TRIM24: variants seen among roughly 807,000 people sequenced by gnomAD.
TRIM24 encodes transcription intermediary factor 1-alpha.
In TRIM24, 29 loss-of-function variants were observed where a neutral mutation model predicts 123.9. The observed-to-expected ratio is 0.23, with a 90% CI of 0.17 to 0.32. The LOEUF is 0.32. TRIM24 is among the 10% of genes least tolerant of loss of function. The pLI is 1.00. For synonymous variants in TRIM24, 456 were observed against 461.1 expected, an observed-to-expected ratio of 0.99 and a Z score of 0.14; for missense variants, 932 against 1,295.3, an observed-to-expected ratio of 0.72 and a Z score of 4.31.
intron 7 of TRIM24, among the ~76,000 whole-genome samples, chr7:138,543,125 T>C (rs368761254): frequency 2.0e-4 from 30 of 152,332 alleles, no homozygotes; most frequent in African/African-American, 6.7e-4. Context: ...AAATGTGTTT[T>C]TCATTGTGTT....
Position 138,576,385 on chromosome 7 carries a change from T to C in TRIM24, c.2027T>C (p.Met676Thr). The change falls in exon 13 of 19, where the codon ATG (methionine) becomes ACG (threonine). Residue 676 changes from methionine to threonine, a missense_variant. Physicochemically the swap from Met to Thr is moderately conservative, Grantham distance 81. Around this residue, in one of 7 missense-constraint regions of TRIM24, gnomAD observed 527 missense variants for 691.3 expected, o/e 0.76. Transcript: ENST00000343526. Reference sequence around the variant, plus strand: ...TCCCCCTCCTCAGGACCTGTTACTATGACTAGTGTACACCCCCCAATACGT... The same window carrying C: ...TCCCCCTCCTCAGGACCTGTTACTACGACTAGTGTACACCCCCCAATACGT... Reference protein sequence around the residue: ...PSPGLAGPVTMTSVHPPIRSP... With the variant: ...PSPGLAGPVTTTSVHPPIRSP... 6.2e-7 allele frequency: 1 copy of C among 1,613,606 alleles called. No individual in the cohort carries two copies. Among genetic ancestry groups the C allele is most frequent in the East Asian group, 2.2e-5 (1 of 44,874 alleles).
intron 1 of TRIM24, among the ~76,000 whole-genome samples, chr7:138,501,037 A>G (rs10242105): frequency 0.021 from 3,229 of 152,184 alleles, 92 homozygotes; most frequent in African/African-American, 0.071. Context: ...ATTTGCTCTG[A>G]ATGAGTCAGG....
chr7:138,498,683 G>A (rs756352175), intron 1 of TRIM24, among the ~76,000 whole-genome samples: 1 of 151,492 alleles, frequency 6.6e-6, no homozygotes, highest in African/African-American at 2.4e-5. Flanking sequence ...TTTTGCCCAG[G>A]CTGGAGTGCA....
At chr7:138,569,764 G>A (rs1797615118) in intron 10 of TRIM24, among the ~76,000 whole-genome samples, 1 of 152,128 alleles carries the variant, frequency 6.6e-6, no homozygotes, top group Non-Finnish European at 1.5e-5. Context: ...ATATAGTGCT[G>A]TTCATTTGTG....
At chr7:138,488,968 A>T (rs1051068312) in intron 1 of TRIM24, among the ~76,000 whole-genome samples, 2 of 152,086 alleles carry the variant, frequency 1.3e-5, no homozygotes, top group African/African-American at 4.8e-5. Flanking sequence ...TCCCATTATT[A>T]TTGTGTGGGA....
Position 138,584,761 on chromosome 7 carries a change from A to G in TRIM24, c.2963A>G (p.Asn988Ser), listed in dbSNP as rs777503440. 1.9e-6 allele frequency: 3 copies of G among 1,610,632 alleles called. No individual in the cohort carries two copies. Among genetic ancestry groups the G allele is most frequent in the African/African-American group, 1.3e-5 (1 of 74,616 alleles). Residue 988 changes from asparagine to serine, a missense_variant, in exon 19 of 19, where the codon AAT becomes AGT. By Grantham distance (46) the Asn-to-Ser change is conservative (BLOSUM62 1). Around this residue, in one of 7 missense-constraint regions of TRIM24, gnomAD observed 104 missense variants for 121.5 expected, o/e 0.86. Coordinates refer to ENST00000343526, the MANE Select transcript of TRIM24 (RefSeq NM_015905.3). The part of the protein sequence containing the change: ...EFNEPDSEVA[N>S]AGIKLENYFE... ...CCACAGCCTGATTCAGAAGTAGCCA[A>G]TGCTGGTATAAAACTTGAAAATTAT...
At chr7:138,470,114 A>G (rs1411632401) in intron 1 of TRIM24, among the ~76,000 whole-genome samples, 1 of 145,974 alleles carries the variant, frequency 6.9e-6, no homozygotes, top group African/African-American at 2.6e-5. Flanking sequence ...TTTGCCTCCT[A>G]CAAGTATAAT....
chr7:138,579,400 C>T lies in TRIM24; in HGVS notation c.2453C>T (p.Thr818Ile). 6.2e-7 allele frequency: 1 copy of T among 1,614,078 alleles called. No individual in the cohort carries two copies. The highest frequency in any genetic ancestry group is 2.2e-5 in the East Asian group (1 of 44,858). The change falls in exon 15 of 19, where the codon ACA (threonine) becomes ATA (isoleucine). Residue 818 changes from threonine to isoleucine, a missense_variant. By Grantham distance (89) the Thr-to-Ile change is moderately conservative. Around this residue, in one of 7 missense-constraint regions of TRIM24, gnomAD observed 527 missense variants for 691.3 expected, o/e 0.76. Coordinates refer to ENST00000343526, the MANE Select transcript of TRIM24 (RefSeq NM_015905.3). ...AAGTCACCTCTTCATGTTGGAGAGA[C>T]AAGGAAAGAGGATGACCCCAATGAG... is the stretch of plus-strand genomic sequence containing the variant. ...SQKSPLHVGETRKEDDPNEDW... is the reference protein window; with the variant it reads ...SQKSPLHVGEIRKEDDPNEDW...
chr7:138,536,723 C>T (rs1429205845), intron 6 of TRIM24, among the ~76,000 whole-genome samples: 2 of 152,184 alleles, frequency 1.3e-5, no homozygotes, highest in African/African-American at 4.8e-5. Context: ...GCTAGGAGAA[C>T]CACTACTCTC....
At chr7:138,572,068 G>A (rs563062878) in intron 11 of TRIM24, among the ~76,000 whole-genome samples, 1 of 152,278 alleles carries the variant, frequency 6.6e-6, no homozygotes. Context: ...CTATAAGATT[G>A]TGAAAATAAC....
intron 2 of TRIM24, among the ~76,000 whole-genome samples, chr7:138,507,033 G>A (rs2116534645): frequency 6.6e-6 from 1 of 152,242 alleles, no homozygotes; most frequent in Middle Eastern, 3.4e-3. Flanking sequence ...TGATAAAGTG[G>A]GTGGGAGTTA....
chr7:138,485,078 C>T (rs1398303953), intron 1 of TRIM24, among the ~76,000 whole-genome samples: 1 of 151,942 alleles, frequency 6.6e-6, no homozygotes, highest in African/African-American at 2.4e-5. Flanking sequence ...ATTTCTTTCT[C>T]TTTCCTCAAT....
Position 138,584,810 on chromosome 7 carries a change from C to T in TRIM24, c.3012C>T (p.Leu1004=), listed in dbSNP as rs538191179. The change falls in exon 19 of 19, where the codon CTC becomes CTT. Residue 1004 remains leucine, a synonymous_variant. Coordinates refer to ENST00000343526, the MANE Select transcript of TRIM24 (RefSeq NM_015905.3). The part of the protein sequence containing the change: ...ENYFEELLKN[L]YPEKRFPKPE... ...ATTTTGAAGAACTTCTAAAGAACCT[C>T]TATCCAGAAAAAAGGTTTCCCAAAC... 1.7e-5 allele frequency: 27 copies of T among 1,613,432 alleles called. No individual in the cohort carries two copies. The highest frequency in any genetic ancestry group is 1.8e-5 in the Non-Finnish European group (21 of 1,179,752).
intron 1 of TRIM24, among the ~76,000 whole-genome samples, chr7:138,480,008 A>G (rs1584689410): frequency 1.4e-5 from 2 of 145,638 alleles, no homozygotes; most frequent in African/African-American, 2.6e-5. Flanking sequence ...TAGTAGAGAC[A>G]GGGTTTCGCC....
At chr7:138,529,816 A>G (rs1796691625) in intron 6 of TRIM24, among the ~76,000 whole-genome samples, 1 of 152,206 alleles carries the variant, frequency 6.6e-6, no homozygotes, top group African/African-American at 2.4e-5. Flanking sequence ...TTTGACTTCA[A>G]ATCATATAAG....
At chr7:138,569,282 GTT>G (rs971571992) in intron 10 of TRIM24, among the ~76,000 whole-genome samples, 1 of 152,054 alleles carries the variant, frequency 6.6e-6, no homozygotes, top group South Asian at 2.1e-4. Flanking sequence ...CTCTAAGCAT[GTT>G]TTTTTAAAAT....
chr7:138,524,100 G>A, intron 4 of TRIM24, among the ~76,000 whole-genome samples: 1 of 152,088 alleles, frequency 6.6e-6, no homozygotes, highest in South Asian at 2.1e-4. Context: ...AATCTTGCAT[G>A]TCATATTAAA....
chr7:138,584,904 C>G lies in TRIM24; in HGVS notation c.3106C>G (p.Arg1036Gly). 1 of 1,613,182 alleles carries G rather than the reference C, an allele frequency of 6.2e-7. No individual in the cohort carries two copies. The highest frequency in any genetic ancestry group is 8.5e-7 in the Non-Finnish European group (1 of 1,179,724). Residue 1036 changes from arginine (R) to glycine (G), a missense_variant, in exon 19 of 19, where the codon CGG becomes GGG. This residue lies in a region of TRIM24 where 104 missense variants were observed against 121.5 expected (regional missense o/e 0.86). Transcript: ENST00000343526. ...TTCAGATGATGACTTTGTACAGCCCCGGAAGAAACGCCTCAAAAGCATTGA... is the reference window on the plus strand; with the variant it reads ...TTCAGATGATGACTTTGTACAGCCCGGGAAGAAACGCCTCAAAAGCATTGA... ...DDSDDDFVQP[R>G]KKRLKSIEER...
intron 15 of TRIM24, among the ~76,000 whole-genome samples, 189 bp downstream of exon 15, chr7:138,579,721 C>T (rs536172688): frequency 5.1e-4 from 77 of 152,252 alleles, no homozygotes; most frequent in African/African-American, 1.3e-3. Flanking sequence ...AAAAACTAAT[C>T]ATTCAGCCTG....
Sources: allele counts gnomAD v4.1 joint callset (sites outside exome capture counted in the v4.1 genomes callset), GRCh38; gene constraint gnomAD v4.1.1; regional missense constraint gnomAD v4.1.1; transcripts MANE v1.5; gene names NCBI Gene and HGNC (gene_info 2026-07-23, HGNC 2026-07-21).